PKD1L3: variants seen among roughly 807,000 people sequenced by gnomAD.
PKD1L3 encodes polycystin 1 like 3, transient receptor potential channel interacting, also known as polycystin-1-like protein 3.
Under a neutral mutation model 184.1 loss-of-function variants are expected in PKD1L3, and 239 were observed. That is an observed-to-expected ratio of 1.30 (90% CI 1.17 to 1.45). The LOEUF (loss-of-function observed/expected upper bound fraction) is 1.45. Among genes scored for constraint, PKD1L3 ranks in the 40% most tolerant of loss-of-function variants. PKD1L3 has a pLI of 0.00. For synonymous variants in PKD1L3, 996 were observed against 778.8 expected, an observed-to-expected ratio of 1.28 and a Z score of -4.64; for missense variants, 2,660 against 2,067.2, an observed-to-expected ratio of 1.29 and a Z score of -5.56.
rs112081475 is a variant in PKD1L3, at chr16:71,950,197, G to T, written c.3304C>A (p.Leu1102Ile). ...TTTTGAAGTTGGCTGGCTGCATCTA[G>T]GAAGTCACAGGACTGGTGACCCTGG... ...LTQGHQSCDF[L>I]DAASQLQKLQ... The change falls in exon 20 of 30, where the codon CTA becomes ATA. Residue 1102 changes from leucine to isoleucine, a missense_variant. Leu to Ile is a conservative substitution (Grantham distance 5, BLOSUM62 2). Coordinates refer to ENST00000620267, the MANE Select transcript of PKD1L3 (RefSeq NM_181536.2). 6.4e-7 allele frequency: 1 copy of T among 1,552,264 alleles called. No individual in the cohort carries two copies.
chr16:71,936,508 C>CT (rs1212505095), intron 25 of PKD1L3, among the ~76,000 whole-genome samples: 27 of 135,588 alleles, frequency 2.0e-4, no homozygotes, highest in Admixed American at 7.5e-4. Context: ...TGGCCAATCA[C>CT]TTTTTTTTTT....
At chr16:71,997,448 C>G (rs2040832483) in intron 2 of PKD1L3, among the ~76,000 whole-genome samples, 1 of 150,992 alleles carries the variant, frequency 6.6e-6, no homozygotes, top group African/African-American at 2.4e-5. Context: ...TCCACCGTCT[C>G]CACATAAAAA....
At chr16:71,957,310 C>T (rs1597318687) in intron 16 of PKD1L3, among the ~76,000 whole-genome samples, 1 of 151,944 alleles carries the variant, frequency 6.6e-6, no homozygotes, top group East Asian at 1.9e-4. Context: ...AAAAAAGATA[C>T]AATACGTATA....
chr16:71,970,518 G>A (rs950950985), intron 12 of PKD1L3, among the ~76,000 whole-genome samples: 2 of 152,142 alleles, frequency 1.3e-5, no homozygotes, highest in African/African-American at 4.8e-5. Flanking sequence ...AGTTAAAAAT[G>A]AATGAATCAG....
chr16:71,945,632 T>G (rs1029244648), intron 22 of PKD1L3, among the ~76,000 whole-genome samples: 1 of 151,486 alleles, frequency 6.6e-6, no homozygotes, highest in African/African-American at 2.4e-5. Context: ...GAGCCGAGAT[T>G]GTGCCACTGC....
chr16:71,999,864 T>C lies in PKD1L3; in HGVS notation c.115A>G (p.Arg39Gly). ...GCTTCCTCAAAGCTGCATTGAAATCTGTTAAGCTGGTAACAATTATTTTGC... is the reference window on the plus strand; with the variant it reads ...GCTTCCTCAAAGCTGCATTGAAATCCGTTAAGCTGGTAACAATTATTTTGC... ...HGQNNCYQLN[R>G]FQCSFEEAQH... Residue 39 changes from arginine to glycine, a missense_variant, in exon 1 of 30, where the codon AGA becomes GGA. Coordinates refer to ENST00000620267, the MANE Select transcript of PKD1L3 (RefSeq NM_181536.2). 1 of 1,551,820 alleles carries C rather than the reference T, an allele frequency of 6.4e-7. No homozygotes were observed. The highest frequency in any genetic ancestry group is 1.2e-5 in the South Asian group (1 of 84,064).
intron 14 of PKD1L3, 59 bp downstream of exon 14, chr16:71,967,847 G>A (rs2039559903): frequency 7.2e-7 from 1 of 1,379,956 alleles, no homozygotes; most frequent in East Asian, 2.5e-5. Context: ...CACCAACTCA[G>A]AGTGTGTCTC....
chr16:71,973,073 G>C (rs1055225976), intron 12 of PKD1L3, among the ~76,000 whole-genome samples: 1 of 152,156 alleles, frequency 6.6e-6, no homozygotes, highest in Non-Finnish European at 1.5e-5. Flanking sequence ...ATCCACACTT[G>C]TCAGATCCAC....
chr16:71,935,874 C>T (rs1477225053), intron 25 of PKD1L3, among the ~76,000 whole-genome samples: 1 of 152,200 alleles, frequency 6.6e-6, no homozygotes, highest in Non-Finnish European at 1.5e-5. Flanking sequence ...ACTGCAGCCT[C>T]AACCTCCCAG....
At chr16:71,949,655 G>C in intron 21 of PKD1L3, 128 bp downstream of exon 21, 2 of 871,120 alleles carry the variant, frequency 2.3e-6, no homozygotes, top group Non-Finnish European at 3.5e-6. Flanking sequence ...ACCCAGCCTG[G>C]TTTGCCTATT....
Position 71,978,256 on chromosome 16 carries a change from T to C in PKD1L3, c.1526A>G (p.Glu509Gly), listed in dbSNP as rs1284247309. 1 of 1,548,738 alleles carries C rather than the reference T, an allele frequency of 6.5e-7. No individual in the cohort carries two copies. Among genetic ancestry groups the C allele is most frequent in the African/African-American group, 1.4e-5 (1 of 73,058 alleles). ...TATTCCCTAAGAATCAGTTCCTACCTCAATGTCCTCCATTAAATCATGGAC... is the reference window on the plus strand; with the variant it reads ...TATTCCCTAAGAATCAGTTCCTACCCCAATGTCCTCCATTAAATCATGGAC... ...LQVHDLMEDI[E>G]IMLWRNVSLE... The change falls in exon 10 of 30, where the codon GAG (glutamate) becomes GGG (glycine). Residue 509 changes from glutamate to glycine, a missense_variant and splice_region_variant. Glu to Gly is a moderately conservative substitution (Grantham distance 98). Coordinates refer to ENST00000620267, the MANE Select transcript of PKD1L3 (RefSeq NM_181536.2).
chr16:71,937,278 C>G lies in PKD1L3; in HGVS notation c.4452+14G>C. 1 of 1,547,874 alleles carries G rather than the reference C, an allele frequency of 6.5e-7. No individual in the cohort carries two copies. Among genetic ancestry groups the G allele is most frequent in the African/African-American group, 1.4e-5 (1 of 72,980 alleles). On this transcript the variant is annotated intron_variant, in intron 25 of 29. Coordinates refer to ENST00000620267, the MANE Select transcript of PKD1L3 (RefSeq NM_181536.2). ...CCATGTTGCCCAGGCTGACATCTAA[C>G]ATTATTGACTCACCTGTATGAAGGC...
At position 71,944,121 on chromosome 16, in the gene PKD1L3, G is replaced by T. The variant is rs1461505264; in HGVS notation, c.3768C>A (p.Val1256=). The T allele has an allele frequency of 6.4e-7, 1 of 1,551,366 alleles. No individual in the cohort carries two copies. Among genetic ancestry groups the T allele is most frequent in the Non-Finnish European group, 8.7e-7 (1 of 1,146,632 alleles). Residue 1256 remains valine (V), a synonymous_variant, in exon 23 of 30, where the codon GTC becomes GTA. Coordinates refer to ENST00000620267, the MANE Select transcript of PKD1L3 (RefSeq NM_181536.2). ...VPGSRDKNNP[V]YVAPAINSPT... ...GACTATTTATAGCTGGGGCTACATA[G>T]ACGGGGTTGTTCTTATCTCTTGAAC... is the stretch of plus-strand genomic sequence containing the variant.
chr16:71,957,690 G>C (rs943922925), intron 16 of PKD1L3, among the ~76,000 whole-genome samples: 2 of 152,046 alleles, frequency 1.3e-5, no homozygotes, highest in Admixed American at 1.3e-4. Flanking sequence ...CTAGCTACTC[G>C]GGAGGCTAAG....
chr16:71,967,395 G>C, intron 14 of PKD1L3, 80 bp from the exon 15 acceptor site: 1 of 1,343,406 alleles, frequency 7.4e-7, no homozygotes, highest in Non-Finnish European at 1.0e-6. Context: ...GAAAGACGAA[G>C]ACATAGAAAA....
At chr16:71,978,066 G>T (rs746659081) in intron 10 of PKD1L3, among the ~76,000 whole-genome samples, 189 bp downstream of exon 10, 1 of 152,146 alleles carries the variant, frequency 6.6e-6, no homozygotes, top group Non-Finnish European at 1.5e-5. Context: ...GAGCCACTGC[G>T]CCCAGCCCTT....
rs1365533831 is a variant in PKD1L3 at position 71,973,374 on chromosome 16, A to T, written c.1903T>A (p.Cys635Ser). ...LVSVITAVTQ[C>S]YYWEIHNQTW... ...TGGTTGTGGATCTCCCAGTAGTAACACTGAGTGACGGCGGTGATGACCGAG... is the reference window on the plus strand; with the variant it reads ...TGGTTGTGGATCTCCCAGTAGTAACTCTGAGTGACGGCGGTGATGACCGAG... The change falls in exon 12 of 30, where the codon TGT becomes AGT. Residue 635 changes from cysteine (C) to serine (S), a missense_variant. By Grantham distance (112) the Cys-to-Ser change is moderately radical (BLOSUM62 -1). Coordinates refer to ENST00000620267, the MANE Select transcript of PKD1L3 (RefSeq NM_181536.2). 6.4e-7 allele frequency: 1 copy of T among 1,551,544 alleles called. No individual in the cohort carries two copies. Among genetic ancestry groups the T allele is most frequent in the Non-Finnish European group, 8.7e-7 (1 of 1,147,010 alleles).
Position 71,969,894 on chromosome 16 carries a change from T to C in PKD1L3, c.2165A>G (p.Asp722Gly). 2 of 1,550,212 alleles carry C rather than the reference T, an allele frequency of 1.3e-6. No individual in the cohort carries two copies. The highest frequency in any genetic ancestry group is 2.4e-5 in the South Asian group (2 of 84,030). The change falls in exon 13 of 30, where the codon GAT becomes GGT. Residue 722 changes from aspartate to glycine, a missense_variant. Asp to Gly is a moderately conservative substitution (Grantham distance 94). Transcript: ENST00000620267. ...CATTACCTTCTGCATATCTGCTTGA[T>C]CCTTTTTCCGAGCCCACACAACTGT... ...VITVVWARKK[D>G]QADMQKVKVT... is the part of the protein sequence containing the mutation.
Position 71,966,248 on chromosome 16 carries a change from T to C in PKD1L3, c.2465+889A>G, listed in dbSNP as rs534516262. On this transcript the variant is annotated intron_variant, in intron 15 of 29. Coordinates refer to ENST00000620267, the MANE Select transcript of PKD1L3 (RefSeq NM_181536.2). Reference sequence around the variant, plus strand: ...ACCAGTAATCCTCATTCTTAATTAATTGTATCATCTACTTTCTCTAGCACC... The same window carrying C: ...ACCAGTAATCCTCATTCTTAATTAACTGTATCATCTACTTTCTCTAGCACC... 1.2e-4 allele frequency among the ~76,000 whole-genome samples: 19 copies of C among 152,270 alleles called. 1 individual carries two copies. The highest frequency in any genetic ancestry group is 6.8e-3 in the Middle Eastern group (2 of 294).
Sources: allele counts gnomAD v4.1 joint callset (sites outside exome capture counted in the v4.1 genomes callset), GRCh38; gene constraint gnomAD v4.1.1; transcripts MANE v1.5; gene names NCBI Gene and HGNC (gene_info 2026-07-23, HGNC 2026-07-21).